MDGA2: variants seen among roughly 807,000 people sequenced by gnomAD.
The protein encoded by MDGA2 is MAM domain-containing glycosylphosphatidylinositol anchor protein 2.
In MDGA2, 40 loss-of-function variants were observed where a neutral mutation model predicts 117.8. The ratio of observed to expected loss-of-function variants is 0.34; its 90% CI spans 0.26 to 0.44. MDGA2 has a LOEUF of 0.44. Among genes scored for constraint, MDGA2 ranks in the 20% least tolerant of loss-of-function variants. MDGA2 has a pLI of 1.00. For synonymous variants in MDGA2, 452 were observed against 439.0 expected (o/e 1.03, Z -0.37); for missense variants, 1,123 against 1,250.6 (o/e 0.90, Z 1.54).
chr14:47,506,336 C>T (rs567211213), intron 1 of MDGA2, among the ~76,000 whole-genome samples: 97 of 152,296 alleles, frequency 6.4e-4, no homozygotes, highest in African/African-American at 2.0e-3. Flanking sequence ...CCTACAAACA[C>T]CCATTTAGAA....
At chr14:47,272,795 T>C (rs1888188763) in intron 2 of MDGA2, among the ~76,000 whole-genome samples, 1 of 152,192 alleles carries the variant, frequency 6.6e-6, no homozygotes, top group Admixed American at 6.5e-5. Flanking sequence ...GGGGTTAACC[T>C]ATTAACACCT....
chr14:47,173,138 A>G (rs915117878), intron 3 of MDGA2, among the ~76,000 whole-genome samples: 3 of 152,222 alleles, frequency 2.0e-5, no homozygotes, highest in African/African-American at 7.2e-5. Flanking sequence ...TCCAAGACAT[A>G]TGGGACTATA....
intron 1 of MDGA2, among the ~76,000 whole-genome samples, chr14:47,623,754 A>G (rs1897091921): frequency 6.6e-6 from 1 of 152,226 alleles, no homozygotes. Context: ...TAAAATCCCA[A>G]TGTGAGTTTG....
chr14:47,569,531 G>A (rs1052847749), intron 1 of MDGA2, among the ~76,000 whole-genome samples: 2 of 152,302 alleles, frequency 1.3e-5, no homozygotes, highest in Non-Finnish European at 2.9e-5. Flanking sequence ...CATCTTGCAA[G>A]CACAATGGAA....
intron 8 of MDGA2, among the ~76,000 whole-genome samples, chr14:47,029,561 C>A (rs561706218): frequency 1.3e-5 from 2 of 152,158 alleles, no homozygotes; most frequent in African/African-American, 4.8e-5. Flanking sequence ...GGAGATTTAA[C>A]AGCAAAAGTG....
At chr14:46,984,117 T>C (rs1028967598) in intron 8 of MDGA2, among the ~76,000 whole-genome samples, 25 of 151,984 alleles carry the variant, frequency 1.6e-4, no homozygotes, top group African/African-American at 5.8e-4. Context: ...CCAGGGCATA[T>C]GTACCAGTCT....
chr14:47,613,477 T>TCA (rs200626697), intron 1 of MDGA2, among the ~76,000 whole-genome samples: 58,127 of 136,842 alleles, frequency 0.42, 12,012 homozygotes, highest in East Asian at 0.68. Flanking sequence ...TCTCTCTCTC[T>TCA]CTCACACACA....
chr14:47,302,608 G>A (rs1169909108), intron 1 of MDGA2, among the ~76,000 whole-genome samples: 1 of 152,024 alleles, frequency 6.6e-6, no homozygotes, highest in African/African-American at 2.4e-5. Context: ...TATTAGGAAT[G>A]TTTTATCTAA....
intron 1 of MDGA2, among the ~76,000 whole-genome samples, chr14:47,346,641 T>C (rs1283410665): frequency 1.3e-5 from 2 of 152,216 alleles, no homozygotes; most frequent in Admixed American, 1.3e-4. Flanking sequence ...TAGATATTAA[T>C]ATTCCCTCCA....
chr14:47,589,905 C>T (rs1220291310), intron 1 of MDGA2, among the ~76,000 whole-genome samples: 1 of 151,804 alleles, frequency 6.6e-6, no homozygotes, highest in Non-Finnish European at 1.5e-5. Flanking sequence ...CTCTTAAGTA[C>T]TTTATTCTTT....
intron 7 of MDGA2, among the ~76,000 whole-genome samples, chr14:47,036,270 CAAAAAAAA>C (rs11310113): frequency 1.3e-5 from 1 of 74,442 alleles, no homozygotes; most frequent in Non-Finnish European, 2.4e-5. Flanking sequence ...ACTCTGTCTC[CAAAAAAAA>C]AAAAAAAAAA....
chr14:47,022,214 T>C (rs1051644387), intron 8 of MDGA2, among the ~76,000 whole-genome samples: 28 of 152,084 alleles, frequency 1.8e-4, no homozygotes, highest in African/African-American at 6.0e-4. Context: ...GCCTCCCAAG[T>C]AGCTGGAACT....
chr14:46,845,419 T>A lies in MDGA2; in HGVS notation c.2989+347A>T, dbSNP rs375771348. ...ACTAATACAATTTACATTGTAAATA[T>A]GTGCTATGTATATAGGTTCATCAAA... On this transcript the variant is annotated intron_variant, in intron 16 of 16. Transcript: ENST00000399232. Among the ~76,000 whole-genome samples the A allele has an allele frequency of 3.6e-4, 55 of 152,350 alleles. 3 individuals are homozygous for A. In the South Asian group the frequency reaches 7.9e-3, roughly 22 times the overall value.
chr14:47,674,477 A>G, intron 1 of MDGA2, 40 bp downstream of exon 1: 5 of 1,516,170 alleles, frequency 3.3e-6, no homozygotes, highest in Non-Finnish European at 4.4e-6. Flanking sequence ...TATCTTGCCT[A>G]AGAATCACAA....
chr14:47,087,164 T>G (rs1044282011), intron 6 of MDGA2, among the ~76,000 whole-genome samples: 1 of 152,140 alleles, frequency 6.6e-6, no homozygotes, highest in African/African-American at 2.4e-5. Context: ...CATAAAGACA[T>G]GTGACCTCCT....
chr14:47,549,526 A>G (rs2138774331), intron 1 of MDGA2, among the ~76,000 whole-genome samples: 1 of 152,138 alleles, frequency 6.6e-6, no homozygotes, highest in East Asian at 1.9e-4. Context: ...TATATTTTCA[A>G]TATGCAAAGC....
intron 7 of MDGA2, among the ~76,000 whole-genome samples, chr14:47,048,071 A>T (rs1368460242): frequency 6.6e-6 from 1 of 152,096 alleles, no homozygotes; most frequent in Non-Finnish European, 1.5e-5. Flanking sequence ...GGCACATAAT[A>T]CAGATATCTC....
intron 2 of MDGA2, chr14:47,299,627 A>T (rs924646369): frequency 6.6e-6 from 1 of 152,186 alleles, no homozygotes; most frequent in Non-Finnish European, 1.5e-5. Flanking sequence ...TCATTGTTTA[A>T]ATTTTTGGTA....
intron 1 of MDGA2, among the ~76,000 whole-genome samples, chr14:47,567,061 C>T (rs1036498557): frequency 3.7e-4 from 56 of 151,982 alleles, no homozygotes; most frequent in African/African-American, 1.2e-3. Flanking sequence ...TGTGCCACTA[C>T]GCCCAGCTAT....
Sources: gnomAD v4.1 joint callset for allele counts (sites outside exome capture counted in the v4.1 genomes callset) on GRCh38, gnomAD v4.1.1 for gene constraint, MANE v1.5 for transcripts, NCBI Gene and HGNC (gene_info 2026-07-23, HGNC 2026-07-21) for gene names.